Variants in BIRC6 observed in about 807,000 individuals in gnomAD.
BIRC6 encodes dual E2 ubiquitin-conjugating enzyme/E3 ubiquitin-protein ligase BIRC6.
A neutral mutation model predicts 503.3 loss-of-function variants in BIRC6; 98 were observed. The ratio of observed to expected loss-of-function variants is 0.19; its 90% CI spans 0.17 to 0.23. The LOEUF is 0.23. Ranked by LOEUF, BIRC6 falls within the 10% of genes least tolerant of loss-of-function variation. The pLI, the probability that BIRC6 is intolerant of heterozygous loss-of-function variation, is 1.00. For synonymous variants in BIRC6, 2,240 were observed against 2,078.7 expected, an observed-to-expected ratio of 1.08 and a Z score of -2.11; for missense variants, 5,360 against 5,806.0, an observed-to-expected ratio of 0.92 and a Z score of 2.50.
chr2:32,495,699 C>G (rs542744632), intron 45 of BIRC6, among the ~76,000 whole-genome samples: 17 of 151,436 alleles, frequency 1.1e-4, no homozygotes, highest in African/African-American at 3.6e-4. Context: ...CCTCCTCACA[C>G]AAAGTCACAC....
chr2:32,365,721 T>A (rs1020406050), intron 1 of BIRC6, among the ~76,000 whole-genome samples: 11 of 152,152 alleles, frequency 7.2e-5, no homozygotes, highest in Admixed American at 6.6e-5. Flanking sequence ...TGGCCATGAT[T>A]CCCATATTTT....
chr2:32,489,480 GA>G (rs1458283853), intron 42 of BIRC6, among the ~76,000 whole-genome samples: 2 of 151,320 alleles, frequency 1.3e-5, no homozygotes, highest in Non-Finnish European at 2.9e-5. Context: ...TTTATTATGA[GA>G]AATATTAAAT....
At position 32,618,748 on chromosome 2, in the gene BIRC6, A is replaced by C. The variant is rs964834242; in HGVS notation, c.*844A>C. ...ATGACTAAAGTCACATGTATGTATT[A>C]AACATTGAGGCTCTGTAGAGGAGAG... On this transcript the variant is annotated 3_prime_UTR_variant, in exon 74 of 74. Coordinates refer to ENST00000421745, the MANE Select transcript of BIRC6 (RefSeq NM_016252.4). 6.6e-6 allele frequency: 1 copy of C among 152,504 alleles called. No individual in the cohort carries two copies. The highest frequency in any genetic ancestry group is 2.4e-5 in the African/African-American group (1 of 41,370). The allele number at this position is 152,504 out of a possible 1,614,324, so 9.4% of individuals were successfully genotyped here. A position where few individuals can be genotyped will look rare whatever the true frequency, so the allele number is the denominator to read the frequency against.
At chr2:32,535,938 C>T (rs982904278) in intron 61 of BIRC6, among the ~76,000 whole-genome samples, 1 of 152,156 alleles carries the variant, frequency 6.6e-6, no homozygotes, top group Non-Finnish European at 1.5e-5. Flanking sequence ...TAAAAGTGTT[C>T]CTATTTCTCC....
In BIRC6 at chr2:32,561,230, CT is replaced by C. The variant is rs375705759; in HGVS notation, c.13144+11763del. Among the ~76,000 whole-genome samples, 520 of 139,900 alleles carry C rather than the reference CT, an allele frequency of 3.7e-3. 1 individual carries two copies. The highest frequency in any genetic ancestry group is 8.6e-3 in the African/African-American group (330 of 38,412). The allele number at this position is 139,900 out of a possible 152,430, so 91.8% of individuals were successfully genotyped here. On this transcript the variant is annotated intron_variant, in intron 65 of 73. Transcript: ENST00000421745. ...AAAAAATTGACCTCCAAGTAACATACTTTTTTTTTTTTTTCTTTTTTCTTTT... is the reference window on the plus strand; with the variant it reads ...AAAAAATTGACCTCCAAGTAACATACTTTTTTTTTTTTTCTTTTTTCTTTT...
intron 8 of BIRC6, among the ~76,000 whole-genome samples, chr2:32,402,031 A>T (rs1433177565): frequency 6.6e-6 from 1 of 152,246 alleles, no homozygotes; most frequent in Non-Finnish European, 1.5e-5. Flanking sequence ...TGGCAGTGCT[A>T]ATGAATAATA....
chr2:32,465,854 G>T (rs1159331728), intron 26 of BIRC6, among the ~76,000 whole-genome samples: 3 of 152,162 alleles, frequency 2.0e-5, no homozygotes, highest in Admixed American at 2.0e-4. Flanking sequence ...TTGCAATGTG[G>T]TTGTTTCCTC....
At position 32,476,335 on chromosome 2, in the gene BIRC6, C is replaced by T; in HGVS notation, c.6843C>T (p.Ala2281=). The change falls in exon 34 of 74, where the codon GCC becomes GCT. Residue 2281 remains alanine, a synonymous_variant. Transcript: ENST00000421745. The part of the protein sequence containing the change: ...LLVEQAKLKQ[A]TSKHFKDLIR... ...TAGAACAAGCAAAACTAAAGCAGGC[C>T]ACTTCAAAGGTATGATCTATACTTT... 1.3e-6 allele frequency: 2 copies of T among 1,577,402 alleles called. No individual in the cohort carries two copies. Among genetic ancestry groups the T allele is most frequent in the Non-Finnish European group, 8.6e-7 (1 of 1,160,244 alleles).
intron 61 of BIRC6, chr2:32,532,023 T>A (rs907574908): frequency 6.3e-6 from 3 of 479,602 alleles, no homozygotes; most frequent in African/African-American, 6.0e-5. Context: ...ATGTCTGTGC[T>A]TTCCATGCTC....
At chr2:32,395,419 T>A (rs576480958) in intron 5 of BIRC6, 92 bp from the exon 6 acceptor site, 1 of 1,027,434 alleles carries the variant, frequency 9.7e-7, no homozygotes, top group African/African-American at 1.6e-5. Flanking sequence ...AGAATTTTAC[T>A]TAAAATTATG....
Position 32,515,688 on chromosome 2 carries a change from G to T in BIRC6, c.11267G>T (p.Arg3756Leu). ...AATTGLTTQQRTAIENATVAF... is the reference protein window; with the variant it reads ...AATTGLTTQQLTAIENATVAF... ...ACAACAGGACTGACTACTCAACAGC[G>T]CACAGCAATTGAGAATGCAACTGTT... Residue 3756 changes from arginine (R) to leucine (L), a missense_variant, in exon 55 of 74, where the codon CGC becomes CTC. Coordinates refer to ENST00000421745, the MANE Select transcript of BIRC6 (RefSeq NM_016252.4). 1 of 1,605,642 alleles carries T rather than the reference G, an allele frequency of 6.2e-7. No homozygotes were observed.
At chr2:32,430,770 C>A in intron 11 of BIRC6, 95 bp from the exon 12 acceptor site, 1 of 931,686 alleles carries the variant, frequency 1.1e-6, no homozygotes, top group Non-Finnish European at 1.6e-6. Flanking sequence ...CAATAGAAAA[C>A]CTACCCATGA....
chr2:32,544,239 T>G (rs1485057079), intron 62 of BIRC6, among the ~76,000 whole-genome samples: 1 of 152,134 alleles, frequency 6.6e-6, no homozygotes, highest in Non-Finnish European at 1.5e-5. Context: ...GTGTTAAGAT[T>G]AGTGATGTGT....
rs900373393 is a variant in BIRC6 at position 32,518,822 on chromosome 2, C to T, written c.11499C>T (p.Tyr3833=). The part of the protein sequence containing the change: ...TMFLQSPCPL[Y]KGRINATSHV... ...TTTGATTTCTTGATTTTCAGCTGTA[C>T]AAAGGTAGAATTAATGCTACTAGCC... Residue 3833 remains tyrosine (Y), a synonymous_variant, in exon 57 of 74, where the codon TAC becomes TAT. Transcript: ENST00000421745. 1.9e-6 allele frequency: 3 copies of T among 1,612,580 alleles called. No homozygotes were observed. The highest frequency in any genetic ancestry group is 1.7e-6 in the Non-Finnish European group (2 of 1,179,008).
Position 32,365,333 on chromosome 2 carries a change from T to TC in BIRC6, c.325+7847_325+7848insC, listed in dbSNP as rs201899171. Among the ~76,000 whole-genome samples the TC allele has an allele frequency of 8.4e-3, 1,269 of 151,734 alleles. 14 individuals are homozygous for TC. The highest frequency in any genetic ancestry group is 0.014 in the Middle Eastern group (4 of 294). ...AAACAGTCAATAAATGTTACTTTTT[T>TC]TTTTTTTTTGAGAGGTCGCCCTGTC... On this transcript the variant is annotated intron_variant, in intron 1 of 73. Coordinates refer to ENST00000421745, the MANE Select transcript of BIRC6 (RefSeq NM_016252.4).
rs35242178 is a variant in BIRC6, at chr2:32,607,975, CAAAAAAAAA to C, written c.14259+349_14259+357del. On this transcript the variant is annotated intron_variant, in intron 72 of 73. Coordinates refer to ENST00000421745, the MANE Select transcript of BIRC6 (RefSeq NM_016252.4). Reference sequence around the variant, plus strand: ...TGACAGCAGAGCAAGACTCCATCTCCAAAAAAAAAAAAAAAAAAAAAAAAAGACATTTTA... The same window carrying C: ...TGACAGCAGAGCAAGACTCCATCTCCAAAAAAAAAAAAAAAAGACATTTTA... 1.7e-3 allele frequency among the ~76,000 whole-genome samples: 87 copies of C among 51,938 alleles called. 1 individual carries two copies. The highest frequency in any genetic ancestry group is 6.6e-3 in the African/African-American group (78 of 11,886). The allele number at this position is 51,938 out of a possible 152,430, so 34.1% of individuals were successfully genotyped here. A position where few individuals can be genotyped will look rare whatever the true frequency, so the allele number is the denominator to read the frequency against.
At chr2:32,590,035 A>T (rs989801745) in intron 66 of BIRC6, among the ~76,000 whole-genome samples, 1 of 152,234 alleles carries the variant, frequency 6.6e-6, no homozygotes, top group Non-Finnish European at 1.5e-5. Flanking sequence ...CATAGAGTTA[A>T]AAACTAAGCT....
In BIRC6 at chr2:32,397,176, G is replaced by A. The variant is rs565189301; in HGVS notation, c.1034+1583G>A. ...GACCATGGGTAACTGAAACCATAGA[G>A]AGTGAAGCTGTGGGCCAGGCATGGT... is the stretch of plus-strand genomic sequence containing the variant. On this transcript the variant is annotated intron_variant, in intron 6 of 73. Transcript: ENST00000421745. Among the ~76,000 whole-genome samples, 5 of 152,192 alleles carry A rather than the reference G, an allele frequency of 3.3e-5. No homozygotes were observed. The South Asian group carries it at 6.2e-4, about 19-fold the overall frequency.
At chr2:32,459,625 G>A (rs2047616176) in intron 23 of BIRC6, among the ~76,000 whole-genome samples, 1 of 151,942 alleles carries the variant, frequency 6.6e-6, no homozygotes. Context: ...AGGAGAATTG[G>A]CATCCTAATA....
Sources: allele counts gnomAD v4.1 joint callset (sites outside exome capture counted in the v4.1 genomes callset), GRCh38; gene constraint gnomAD v4.1.1; transcripts MANE v1.5; gene names NCBI Gene and HGNC (gene_info 2026-07-23, HGNC 2026-07-21).